Variants in ZSWIM6 observed in about 807,000 individuals in gnomAD.
The protein encoded by ZSWIM6 is zinc finger SWIM domain-containing protein 6.
In ZSWIM6, 9 loss-of-function variants were observed where a neutral mutation model predicts 113.2. The ratio of observed to expected loss-of-function variants is 0.08; its 90% CI spans 0.05 to 0.14. The LOEUF (loss-of-function observed/expected upper bound fraction) is 0.14, where lower values mean the gene tolerates loss of function less well. Among genes scored for constraint, ZSWIM6 ranks in the 10% least tolerant of loss-of-function variants. The pLI is 1.00. For missense variants in ZSWIM6, 1,162 were observed against 1,552.2 expected, an observed-to-expected ratio of 0.75 and a Z score of 4.22; for synonymous variants, 611 against 606.5, an observed-to-expected ratio of 1.01 and a Z score of -0.11.
At chr5:61,538,497 G>A (rs1388501128) in intron 10 of ZSWIM6, among the ~76,000 whole-genome samples, 1 of 151,974 alleles carries the variant, frequency 6.6e-6, no homozygotes, top group South Asian at 2.1e-4. Context: ...AAAGTTCTTC[G>A]GTGTTTGCGT....
intron 1 of ZSWIM6, among the ~76,000 whole-genome samples, chr5:61,380,239 C>T (rs1480876765): frequency 1.3e-5 from 2 of 152,042 alleles, no homozygotes; most frequent in African/African-American, 4.8e-5. Flanking sequence ...CCACGCCCAG[C>T]TAATTTTTGT....
At chr5:61,485,172 C>A (rs1747983695) in intron 2 of ZSWIM6, among the ~76,000 whole-genome samples, 1 of 152,112 alleles carries the variant, frequency 6.6e-6, no homozygotes. Flanking sequence ...ACAATTCTTG[C>A]TCTCATGGAG....
chr5:61,477,921 T>C (rs1283488071), intron 2 of ZSWIM6, among the ~76,000 whole-genome samples: 1 of 152,228 alleles, frequency 6.6e-6, no homozygotes, highest in East Asian at 1.9e-4. Flanking sequence ...TTTAAGGACA[T>C]GTACACTTTT....
chr5:61,368,107 A>T (rs968287651), intron 1 of ZSWIM6, among the ~76,000 whole-genome samples: 133 of 152,296 alleles, frequency 8.7e-4, no homozygotes, highest in African/African-American at 3.0e-3. Flanking sequence ...AGCCTGGGTG[A>T]CAGAGAAAGC....
At chr5:61,387,351 G>A (rs934684435) in intron 1 of ZSWIM6, among the ~76,000 whole-genome samples, 1 of 152,154 alleles carries the variant, frequency 6.6e-6, no homozygotes, top group East Asian at 1.9e-4. Flanking sequence ...AAAATAATGG[G>A]ATATTTCAAA....
At position 61,396,487 on chromosome 5, in the gene ZSWIM6, C is replaced by T. The variant is rs370545576; in HGVS notation, c.676+63539C>T. 6.4e-4 allele frequency among the ~76,000 whole-genome samples: 95 copies of T among 148,584 alleles called. 1 individual carries two copies. The South Asian group carries it at 9.8e-3, about 15-fold the overall frequency. On this transcript the variant is annotated intron_variant, in intron 1 of 13. Transcript: ENST00000252744. ...CAGAGGTTGCAGTGAGCCGACATCG[C>T]GCCACTGCACTCCAGCCTGGTGACA... is the stretch of plus-strand genomic sequence containing the variant.
At chr5:61,542,518 A>T (rs540375929) in intron 13 of ZSWIM6, among the ~76,000 whole-genome samples, 2 of 152,246 alleles carry the variant, frequency 1.3e-5, no homozygotes, top group African/African-American at 2.4e-5. Context: ...AATGGTTGCT[A>T]TTTAAAATAA....
intron 4 of ZSWIM6, among the ~76,000 whole-genome samples, chr5:61,517,951 A>C (rs1489301460): frequency 2.0e-4 from 11 of 55,576 alleles, no homozygotes; most frequent in African/African-American, 3.8e-4. Context: ...CCCCCACCCC[A>C]CAACAGTCCC....
Position 61,535,493 on chromosome 5 carries a change from A to G in ZSWIM6, c.2255A>G (p.Tyr752Cys). The G allele has an allele frequency of 6.4e-7, 1 of 1,551,342 alleles. No homozygotes were observed. Among genetic ancestry groups the G allele is most frequent in the Non-Finnish European group, 8.7e-7 (1 of 1,146,694 alleles). The part of the protein sequence containing the change: ...QAVFLLEAGP[Y>C]SGLGEIIHRE... ...TGCTCTCTTCCCACAGCCGGACCAT[A>G]TAGTGGTTTAGGTGAAATAATCCAT... The change falls in exon 10 of 14, where the codon TAT becomes TGT. Residue 752 changes from tyrosine to cysteine, a missense_variant. Tyr to Cys is a radical substitution (Grantham distance 194). Coordinates refer to ENST00000252744, the MANE Select transcript of ZSWIM6 (RefSeq NM_020928.2).
chr5:61,521,405 A>G lies in ZSWIM6; in HGVS notation c.1476A>G (p.Leu492=). ...DGNHGSELPN[L]TNALPQGANA... ...ATCATGGCAGTGAATTACCCAACTT[A>G]ACCAATGCTCTGCCTCAGGGTGCAA... The change falls in exon 5 of 14, where the codon TTA becomes TTG. Residue 492 remains leucine (L), a synonymous_variant. Coordinates refer to ENST00000252744, the MANE Select transcript of ZSWIM6 (RefSeq NM_020928.2). The G allele has an allele frequency of 6.5e-7, 1 of 1,526,748 alleles. No homozygotes were observed. The highest frequency in any genetic ancestry group is 8.8e-7 in the Non-Finnish European group (1 of 1,135,278). The allele number at this position is 1,526,748 out of a possible 1,614,324, so 94.6% of individuals were successfully genotyped here.
chr5:61,340,044 A>T (rs1287761112), intron 1 of ZSWIM6, among the ~76,000 whole-genome samples: 1 of 152,148 alleles, frequency 6.6e-6, no homozygotes, highest in South Asian at 2.1e-4. Context: ...TTAGATAAAA[A>T]CCTGGTTGTC....
At chr5:61,539,075 G>A (rs748151192) in intron 11 of ZSWIM6, 104 bp downstream of exon 11, 18 of 1,293,878 alleles carry the variant, frequency 1.4e-5, no homozygotes, top group Non-Finnish European at 1.8e-5. Context: ...GTTAATGTCA[G>A]ATAGGTTGAA....
intron 4 of ZSWIM6, among the ~76,000 whole-genome samples, chr5:61,502,480 G>A (rs1748498443): frequency 6.6e-6 from 1 of 152,184 alleles, no homozygotes; most frequent in South Asian, 2.1e-4. Context: ...CTCAATCAGA[G>A]CAGTGTGACT....
intron 1 of ZSWIM6, among the ~76,000 whole-genome samples, chr5:61,417,434 G>A (rs778424980): frequency 3.3e-5 from 5 of 152,166 alleles, no homozygotes; most frequent in Admixed American, 1.3e-4. Context: ...GCCTTCAAAT[G>A]GGTAGAAATG....
chr5:61,355,473 C>T (rs1391946764), intron 1 of ZSWIM6, among the ~76,000 whole-genome samples: 1 of 149,112 alleles, frequency 6.7e-6, no homozygotes, highest in Admixed American at 7.0e-5. Flanking sequence ...CACACACACA[C>T]ACACACACAC....
Position 61,389,283 on chromosome 5 carries a change from C to T in ZSWIM6, c.676+56335C>T, listed in dbSNP as rs111822457. On this transcript the variant is annotated intron_variant, in intron 1 of 13. Coordinates refer to ENST00000252744, the MANE Select transcript of ZSWIM6 (RefSeq NM_020928.2). ...AAGAATCCTGCAGCTTGGCCGGGCG[C>T]GGTAGCTCATGCCTGTAATCCTAGC... 1.5e-3 allele frequency among the ~76,000 whole-genome samples: 221 copies of T among 151,276 alleles called. 2 individuals are homozygous for T. Among genetic ancestry groups the T allele is most frequent in the Middle Eastern group, 3.5e-3 (1 of 288 alleles).
At chr5:61,540,253 T>A (rs1411749134) in intron 12 of ZSWIM6, among the ~76,000 whole-genome samples, 2 of 152,174 alleles carry the variant, frequency 1.3e-5, no homozygotes, top group Non-Finnish European at 1.5e-5. Context: ...GAGTCCAGTT[T>A]TAGATTTCAG....
rs745675137 is a variant in ZSWIM6, at chr5:61,409,071, GT to G, written c.677-63587del. 9.8e-3 allele frequency among the ~76,000 whole-genome samples: 1,167 copies of G among 118,716 alleles called. 6 individuals carry two copies. Among genetic ancestry groups the G allele is most frequent in the South Asian group, 0.016 (53 of 3,380 alleles). 77.9% of individuals were successfully genotyped at this position (118,716 alleles called of 152,430 possible). ...GATTTTCTTTGTAATGAGGGGAAAG[GT>G]TTTTTTTTTTTTTTTTTTTTTTCCC... On this transcript the variant is annotated intron_variant, in intron 1 of 13. Transcript: ENST00000252744.
At chr5:61,393,735 CA>C (rs5868274) in intron 1 of ZSWIM6, among the ~76,000 whole-genome samples, 110,764 of 139,746 alleles carry the variant, frequency 0.79, 43,341 homozygotes, top group East Asian at 0.93. Flanking sequence ...GAAACTATCT[CA>C]AAAAAAAAAA....
Sources: allele counts gnomAD v4.1 joint callset (sites outside exome capture counted in the v4.1 genomes callset), GRCh38; gene constraint gnomAD v4.1.1; transcripts MANE v1.5; gene names NCBI Gene and HGNC (gene_info 2026-07-23, HGNC 2026-07-21).